VMP1: variants seen among roughly 807,000 people sequenced by gnomAD.
The protein encoded by VMP1 is ectopic P-granules autophagy protein 3 homolog.
VMP1 carries 11 observed loss-of-function variants against 56.0 expected under a neutral mutation model. The ratio of observed to expected loss-of-function variants is 0.20; its 90% CI spans 0.12 to 0.32. VMP1 has a LOEUF of 0.32. Ranked by LOEUF, VMP1 falls within the 10% of genes least tolerant of loss-of-function variation. The pLI, the probability that VMP1 is intolerant of heterozygous loss-of-function variation, is 1.00. For missense variants in VMP1, 296 were observed against 490.3 expected (o/e 0.60, Z 3.74); for synonymous variants, 149 against 165.0 (o/e 0.90, Z 0.74).
Position 59,801,617 on chromosome 17 carries a change from G to A in VMP1, c.715-7179G>A, listed in dbSNP as rs189899991. Among the ~76,000 whole-genome samples, 211 of 152,032 alleles carry A rather than the reference G, an allele frequency of 1.4e-3. 1 individual carries two copies. The highest frequency in any genetic ancestry group is 6.6e-4 in the Non-Finnish European group (45 of 67,994). On this transcript the variant is annotated intron_variant, in intron 7 of 11. Transcript: ENST00000262291. ...TTATATTTAAAAACATATTTAGGCC[G>A]GATGAGGTGGCTCATGCCTATAATC... is the stretch of plus-strand genomic sequence containing the variant.
intron 10 of VMP1, among the ~76,000 whole-genome samples, chr17:59,822,781 A>G (rs971018470): frequency 1.3e-5 from 2 of 152,172 alleles, no homozygotes; most frequent in African/African-American, 4.8e-5. Flanking sequence ...TATTTCAGAA[A>G]AGAGGAGGTG....
At chr17:59,779,874 T>G (rs1265925091) in intron 7 of VMP1, among the ~76,000 whole-genome samples, 1 of 152,226 alleles carries the variant, frequency 6.6e-6, no homozygotes, top group Non-Finnish European at 1.5e-5. Context: ...TTTCATAAGC[T>G]TATTGCCATC....
At chr17:59,827,885 G>A (rs1211672453) in intron 10 of VMP1, among the ~76,000 whole-genome samples, 1 of 151,948 alleles carries the variant, frequency 6.6e-6, no homozygotes. Context: ...AGTGAGTCGT[G>A]TTTGTGCCAT....
At chr17:59,774,996 C>T (rs1424430656) in intron 7 of VMP1, among the ~76,000 whole-genome samples, 1 of 150,768 alleles carries the variant, frequency 6.6e-6, no homozygotes, top group Non-Finnish European at 1.5e-5. Flanking sequence ...GGCTGGCGTG[C>T]AGTGGCCTGA....
chr17:59,769,902 G>T (rs1180018893), intron 6 of VMP1, among the ~76,000 whole-genome samples: 1 of 152,250 alleles, frequency 6.6e-6, no homozygotes, highest in East Asian at 1.9e-4. Flanking sequence ...ATTATGAAAT[G>T]ATGAGACTTC....
intron 7 of VMP1, among the ~76,000 whole-genome samples, chr17:59,795,713 C>T (rs543724418): frequency 1.5e-3 from 230 of 152,104 alleles, no homozygotes; most frequent in African/African-American, 4.8e-3. Flanking sequence ...CTCTTATTTT[C>T]GTTGTAAGAT....
At chr17:59,798,271 C>T (rs1188018108) in intron 7 of VMP1, among the ~76,000 whole-genome samples, 1 of 152,100 alleles carries the variant, frequency 6.6e-6, no homozygotes, top group African/African-American at 2.4e-5. Flanking sequence ...CTATTTTTGG[C>T]ACAACACTCT....
At chr17:59,819,693 C>T (rs2038370527) in intron 10 of VMP1, among the ~76,000 whole-genome samples, 1 of 152,200 alleles carries the variant, frequency 6.6e-6, no homozygotes, top group Non-Finnish European at 1.5e-5. Flanking sequence ...ACCTGGTGAT[C>T]CGCCCATCTC....
chr17:59,830,252 G>A (rs1338358533), intron 10 of VMP1, among the ~76,000 whole-genome samples: 1 of 151,882 alleles, frequency 6.6e-6, no homozygotes, highest in East Asian at 1.9e-4. Flanking sequence ...TTGTAGAGAG[G>A]AGGTCTCACT....
At chr17:59,713,210 A>G (rs909124756) in intron 1 of VMP1, among the ~76,000 whole-genome samples, 4 of 149,436 alleles carry the variant, frequency 2.7e-5, no homozygotes, top group Admixed American at 6.7e-5. Flanking sequence ...AGAATCATCT[A>G]TGGACACAGG....
At chr17:59,753,617 A>G (rs1165267114) in intron 5 of VMP1, among the ~76,000 whole-genome samples, 1 of 152,206 alleles carries the variant, frequency 6.6e-6, no homozygotes, top group Non-Finnish European at 1.5e-5. Context: ...ATGTATGTAC[A>G]ATTTTTGACA....
intron 7 of VMP1, among the ~76,000 whole-genome samples, chr17:59,807,125 A>G (rs969312547): frequency 1.3e-4 from 20 of 151,564 alleles, no homozygotes; most frequent in Non-Finnish European, 2.8e-4. Context: ...TTTTTCAACT[A>G]GTTTGCTTTT....
At chr17:59,782,703 C>T (rs1228072531) in intron 7 of VMP1, among the ~76,000 whole-genome samples, 1 of 151,962 alleles carries the variant, frequency 6.6e-6, no homozygotes, top group South Asian at 2.1e-4. Context: ...AAAATCAATC[C>T]GTAACTATGA....
At chr17:59,814,662 G>C (rs2038164919) in intron 9 of VMP1, among the ~76,000 whole-genome samples, 1 of 152,122 alleles carries the variant, frequency 6.6e-6, no homozygotes. Flanking sequence ...TGTTAGAGAA[G>C]GTAAAATACT....
intron 1 of VMP1, among the ~76,000 whole-genome samples, chr17:59,718,184 C>CTTTTTTTT (rs971095445): frequency 6.3e-5 from 5 of 79,286 alleles, no homozygotes; most frequent in African/African-American, 8.9e-5. Flanking sequence ...TCCCTCCCTC[C>CTTTTTTTT]TTTTTTTTTT....
At chr17:59,724,458 A>T (rs1427856707) in intron 1 of VMP1, among the ~76,000 whole-genome samples, 1 of 151,518 alleles carries the variant, frequency 6.6e-6, no homozygotes, top group African/African-American at 2.4e-5. Flanking sequence ...AGATGGGCAG[A>T]TCACTTGAGC....
chr17:59,740,755 A>G (rs1188598474), intron 5 of VMP1, among the ~76,000 whole-genome samples: 1 of 152,244 alleles, frequency 6.6e-6, no homozygotes, highest in Admixed American at 6.5e-5. Context: ...GGAGAGAGGA[A>G]AAGAAGGAAT....
intron 5 of VMP1, among the ~76,000 whole-genome samples, chr17:59,745,270 T>G (rs2035382035): frequency 1.3e-5 from 2 of 152,240 alleles, no homozygotes; most frequent in Non-Finnish European, 2.9e-5. Context: ...GAATGTTTAC[T>G]AGGTGGTAGT....
In VMP1 at chr17:59,841,886, A is replaced by T. The variant is rs979362455; in HGVS notation, c.*1975A>T. On this transcript the variant is annotated 3_prime_UTR_variant, in exon 12 of 12. Transcript: ENST00000262291. ...GGTGTATTATTAAATAGAAAAAAAA[A>T]ATTTTGTTTCCTAGGTTGAAGGTCT... The T allele has an allele frequency of 4.6e-5, 7 of 152,126 alleles. No individual in the cohort carries two copies. Among genetic ancestry groups the T allele is most frequent in the African/African-American group, 1.7e-4 (7 of 41,404 alleles). 9.4% of individuals were successfully genotyped at this position (152,126 alleles called of 1,614,324 possible). A position where few individuals can be genotyped will look rare whatever the true frequency, so the allele number is the denominator to read the frequency against.
Sources: gnomAD v4.1 joint callset for allele counts (sites outside exome capture counted in the v4.1 genomes callset) on GRCh38, gnomAD v4.1.1 for gene constraint, MANE v1.5 for transcripts, NCBI Gene and HGNC (gene_info 2026-07-23, HGNC 2026-07-21) for gene names.